FABP6: variants seen among roughly 807,000 people sequenced by gnomAD.
FABP6 encodes gastrotropin.
Under a neutral mutation model 14.9 loss-of-function variants are expected in FABP6, and 13 were observed. That is an observed-to-expected ratio of 0.87 (90% confidence interval 0.57 to 1.39). FABP6 has a LOEUF of 1.39. Among genes scored for constraint, FABP6 ranks in the 40% most tolerant of loss-of-function variants. FABP6 has a pLI of 0.00. For missense variants in FABP6, 161 were observed against 167.2 expected, an observed-to-expected ratio of 0.96 and a Z score of 0.20; for synonymous variants, 75 against 63.6, an observed-to-expected ratio of 1.18 and a Z score of -0.85.
intron 3 of FABP6, among the ~76,000 whole-genome samples, chr5:160,217,080 A>T (rs955964503): frequency 6.6e-6 from 1 of 152,178 alleles, no homozygotes; most frequent in African/African-American, 2.4e-5. Flanking sequence ...GGAGGATAGG[A>T]TGATAATTTA....
upstream of FABP6, among the ~76,000 whole-genome samples, chr5:160,227,819 CGT>C (rs763474232): frequency 2.9e-3 from 420 of 145,584 alleles, 1 homozygote; most frequent in East Asian, 6.3e-3. Flanking sequence ...AAATCCATGA[CGT>C]GTGTGTGTGT....
At chr5:160,202,373 A>G (rs1035779422) in intron 2 of FABP6, among the ~76,000 whole-genome samples, 1 of 152,190 alleles carries the variant, frequency 6.6e-6, no homozygotes, top group Non-Finnish European at 1.5e-5. Context: ...ATACAAACAT[A>G]CAATACCCCA....
chr5:160,229,531 C>A lies in FABP6; in HGVS notation c.-27C>A. ...ACCACCCATTCTCCTCATCCCTCTG[C>A]TCTCTGGCCTCCAGCCTCCCAGCAG... On this transcript the variant is annotated 5_prime_UTR_variant, in exon 1 of 4. Coordinates refer to ENST00000402432, the MANE Select transcript of FABP6 (RefSeq NM_001445.3). 2 of 1,613,862 alleles carry A rather than the reference C, an allele frequency of 1.2e-6. No individual in the cohort carries two copies. Among genetic ancestry groups the A allele is most frequent in the East Asian group, 2.2e-5 (1 of 44,880 alleles).
At chr5:160,238,492 G>T (rs2277955) in intron 3 of FABP6, 114 bp from the exon 4 acceptor site, 68,077 of 834,218 alleles carry the variant, frequency 0.082, 6,136 homozygotes, top group East Asian at 0.38. Flanking sequence ...GAAGTGGTGC[G>T]CCTGACTCTT....
intron 3 of FABP6, among the ~76,000 whole-genome samples, chr5:160,236,014 CTGTTTTTT>C (rs1290509401): frequency 6.9e-6 from 1 of 145,784 alleles, no homozygotes; most frequent in Non-Finnish European, 1.5e-5. Flanking sequence ...TCTCTCATGT[CTGTTTTTT>C]TTTTTTTTTT....
chr5:160,206,815 G>A (rs143921451), intron 2 of FABP6, among the ~76,000 whole-genome samples: 24 of 152,300 alleles, frequency 1.6e-4, no homozygotes, highest in African/African-American at 5.5e-4. Flanking sequence ...GAGTGAGGAG[G>A]TCAAGTCCAG....
chr5:160,205,466 C>A (rs1759743230), intron 2 of FABP6, among the ~76,000 whole-genome samples: 1 of 152,208 alleles, frequency 6.6e-6, no homozygotes. Context: ...GCTGGCTTCC[C>A]CCTTCCTGAT....
chr5:160,218,752 C>T (rs904943942), intron 3 of FABP6, among the ~76,000 whole-genome samples: 13 of 149,362 alleles, frequency 8.7e-5, no homozygotes, highest in African/African-American at 2.7e-4. Context: ...TGAGCCACTG[C>T]GCCTGGCCTT....
intron 3 of FABP6, among the ~76,000 whole-genome samples, chr5:160,235,257 A>G (rs1760482897): frequency 6.6e-6 from 1 of 152,220 alleles, no homozygotes; most frequent in Non-Finnish European, 1.5e-5. Flanking sequence ...CCCAGAATAT[A>G]AATAAAGGAG....
intron 3 of FABP6, among the ~76,000 whole-genome samples, chr5:160,235,460 A>G (rs1206974631): frequency 6.6e-6 from 1 of 152,226 alleles, no homozygotes; most frequent in East Asian, 1.9e-4. Flanking sequence ...GGTCCCACAC[A>G]CACATCTGGG....
chr5:160,224,925 G>A (rs771774437), upstream of FABP6, among the ~76,000 whole-genome samples: 29 of 151,190 alleles, frequency 1.9e-4, no homozygotes, highest in Non-Finnish European at 3.7e-4. Context: ...ATACAGGCAC[G>A]TGCCGTCATG....
chr5:160,201,830 A>G (rs1169370799), intron 2 of FABP6, among the ~76,000 whole-genome samples: 1 of 152,150 alleles, frequency 6.6e-6, no homozygotes, highest in East Asian at 1.9e-4. Flanking sequence ...GTATATGATC[A>G]TGGATTACTG....
chr5:160,205,222 G>C (rs1048065479), intron 2 of FABP6, among the ~76,000 whole-genome samples: 1 of 148,382 alleles, frequency 6.7e-6, no homozygotes, highest in African/African-American at 2.5e-5. Flanking sequence ...TGTCATCTTG[G>C]CCAGGATTTG....
upstream of FABP6, chr5:160,229,455 G>T (rs546725070): frequency 1.5e-5 from 23 of 1,584,086 alleles, no homozygotes; most frequent in Non-Finnish European, 2.0e-5. Flanking sequence ...CTTAGGGGCT[G>T]AGCCTCAGCA....
At chr5:160,229,364 C>G (rs1760317577), upstream of FABP6, 1 of 1,328,172 alleles carries the variant, frequency 7.5e-7, no homozygotes, top group African/African-American at 1.5e-5. Context: ...AACCTCGGGG[C>G]TCTGTCCCTC....
upstream of FABP6, among the ~76,000 whole-genome samples, chr5:160,229,062 A>C (rs2113135666): frequency 6.6e-6 from 1 of 151,938 alleles, no homozygotes; most frequent in Non-Finnish European, 1.5e-5. Flanking sequence ...TTACACAAGA[A>C]CTCTCTGCAG....
upstream of FABP6, among the ~76,000 whole-genome samples, chr5:160,225,869 G>A (rs1002559334): frequency 1.2e-4 from 18 of 152,226 alleles, no homozygotes; most frequent in African/African-American, 3.9e-4. Flanking sequence ...GCAAAAGAGG[G>A]AGGAAGAGAG....
chr5:160,192,932 T>C lies in FABP6; in HGVS notation c.-59+5478T>C, dbSNP rs572923781. Reference sequence around the variant, plus strand: ...TTTGAGACCAGCCTGAGCAACATAGTGAGACCCTGTCTCTACAAAAAATAA... The same window carrying C: ...TTTGAGACCAGCCTGAGCAACATAGCGAGACCCTGTCTCTACAAAAAATAA... On this transcript the variant is annotated intron_variant, in intron 1 of 6. Coordinates refer to the FABP6 transcript ENST00000393980. 2.0e-5 allele frequency among the ~76,000 whole-genome samples: 3 copies of C among 152,336 alleles called. No individual in the cohort carries two copies. The East Asian group carries it at 5.8e-4, about 29-fold the overall frequency.
chr5:160,220,594 C>CTAA (rs1194404296), intron 3 of FABP6, among the ~76,000 whole-genome samples: 2 of 151,568 alleles, frequency 1.3e-5, no homozygotes, highest in Non-Finnish European at 2.9e-5. Flanking sequence ...GAGACCCTGC[C>CTAA]TAATAATAAT....
Sources: gnomAD v4.1 joint callset for allele counts (sites outside exome capture counted in the v4.1 genomes callset) on GRCh38, gnomAD v4.1.1 for gene constraint, MANE v1.5 for transcripts, NCBI Gene and HGNC (gene_info 2026-07-23, HGNC 2026-07-21) for gene names.